The following CCDC97 variants were observed in gnomAD, a reference collection of about 807,000 sequenced individuals.
CCDC97 encodes coiled-coil domain containing 97, also known as coiled-coil domain-containing protein 97.
Under a neutral mutation model 33.9 loss-of-function variants are expected in CCDC97, and 27 were observed. The observed-to-expected ratio is 0.80, with a 90% confidence interval of 0.59 to 1.10. The LOEUF is 1.10. CCDC97 is among the 50% of genes least tolerant of loss of function. CCDC97 has a pLI of 0.00. For synonymous variants in CCDC97, 217 were observed against 194.0 expected (o/e 1.12, Z -0.99); for missense variants, 422 against 476.6 (o/e 0.89, Z 1.07).
chr19:41,317,214 G>C (rs929935984), intron 2 of CCDC97, among the ~76,000 whole-genome samples: 5 of 152,176 alleles, frequency 3.3e-5, no homozygotes, highest in Non-Finnish European at 7.3e-5. Context: ...ACCAAAAGGA[G>C]TATGTACATG....
chr19:41,310,266 G>T lies in CCDC97; in HGVS notation c.-45G>T, dbSNP rs752285616. The T allele has an allele frequency of 1.8e-5, 29 of 1,571,180 alleles. No individual in the cohort carries two copies. The East Asian group carries it at 6.6e-4, about 36-fold the overall frequency. On this transcript the variant is annotated 5_prime_UTR_variant, in exon 1 of 5. Transcript: ENST00000269967. ...TCTTGCGTGCGTGGGCCGGAGGTTA[G>T]TGTGCGGGGCCCGCCGGGCGGTTGA...
At chr19:41,314,408 C>T (rs889263390) in intron 1 of CCDC97, among the ~76,000 whole-genome samples, 3 of 152,228 alleles carry the variant, frequency 2.0e-5, no homozygotes, top group Admixed American at 1.3e-4. Flanking sequence ...TCCCAAAGTG[C>T]TGGGATTACA....
chr19:41,312,299 G>T (rs906695524), intron 1 of CCDC97, among the ~76,000 whole-genome samples: 10 of 152,100 alleles, frequency 6.6e-5, no homozygotes, highest in Non-Finnish European at 1.3e-4. Flanking sequence ...TGGCCAGGCT[G>T]GCCTCGAACT....
chr19:41,321,940 T>C (rs1027306158), intron 4 of CCDC97, among the ~76,000 whole-genome samples: 2 of 152,180 alleles, frequency 1.3e-5, no homozygotes, highest in Non-Finnish European at 2.9e-5. Context: ...CTCTATCCAC[T>C]GGAGGGCAGT....
intron 1 of CCDC97, among the ~76,000 whole-genome samples, chr19:41,316,046 A>G (rs2037741984): frequency 6.6e-6 from 1 of 150,510 alleles, no homozygotes; most frequent in Non-Finnish European, 1.5e-5. Context: ...GTGAGCTGTG[A>G]TTGCGCCCTG....
rs759242580 is a variant in CCDC97 at position 41,316,626 on chromosome 19, G to A, written c.289G>A (p.Ala97Thr). 1.7e-5 allele frequency: 27 copies of A among 1,614,084 alleles called. No individual in the cohort carries two copies. The highest frequency in any genetic ancestry group is 2.0e-5 in the Non-Finnish European group (24 of 1,180,048). ...AGAGCATGAGAAAGTGGCCATCCTG[G>A]CCCAGCTGTACCACGAGAAGCCACT... ...LTEHEKVAILAQLYHEKPLVF... is the reference protein window; with the variant it reads ...LTEHEKVAILTQLYHEKPLVF... Residue 97 changes from alanine (A) to threonine (T), a missense_variant, in exon 2 of 5, where the codon GCC (alanine) becomes ACC (threonine). Transcript: ENST00000269967.
In CCDC97 at chr19:41,316,758, CG is replaced by C; in HGVS notation, c.423del (p.Gln142ArgfsTer24). ...RADFYCAEVA[R>X]QGTARPRTLR... The stretch of plus-strand genomic sequence containing the variant: ...AGACTTCTACTGTGCTGAGGTGGCC[CG>C]GCAGGGCACTGCCCGGCCCCGCACC... On this transcript the variant is annotated frameshift_variant, in exon 2 of 5. Coordinates refer to ENST00000269967, the MANE Select transcript of CCDC97 (RefSeq NM_052848.3). LOFTEE classifies it high-confidence loss of function. 1 of 1,612,690 alleles carries C rather than the reference CG, an allele frequency of 6.2e-7. No individual in the cohort carries two copies.
In CCDC97 at chr19:41,310,287, G is replaced by A. The variant is rs753885800; in HGVS notation, c.-24G>A. 7 of 1,592,074 alleles carry A rather than the reference G, an allele frequency of 4.4e-6. No individual in the cohort carries two copies. The highest frequency in any genetic ancestry group is 4.3e-6 in the Non-Finnish European group (5 of 1,169,590). ...GTTAGTGTGCGGGGCCCGCCGGGCG[G>A]TTGAAAAGTCCGAGAGAATCAGGAT... is the stretch of plus-strand genomic sequence containing the variant. On this transcript the variant is annotated 5_prime_UTR_variant, in exon 1 of 5. Coordinates refer to ENST00000269967, the MANE Select transcript of CCDC97 (RefSeq NM_052848.3).
intron 1 of CCDC97, chr19:41,310,693 CA>C: frequency 8.3e-7 from 1 of 1,210,980 alleles, no homozygotes; most frequent in Non-Finnish European, 1.0e-6. Flanking sequence ...CAGCCCTTCT[CA>C]AATTACCTCC....
rs780780633 is a variant in CCDC97 at position 41,316,868 on chromosome 19, C to T, written c.502+29C>T. 4.6e-6 allele frequency: 7 copies of T among 1,517,362 alleles called. No individual in the cohort carries two copies. The East Asian group carries it at 1.6e-4, about 35-fold the overall frequency. 94.0% of individuals were successfully genotyped at this position (1,517,362 alleles called of 1,614,324 possible). A position where few individuals can be genotyped will look rare whatever the true frequency, so the allele number is the denominator to read the frequency against. On this transcript the variant is annotated intron_variant, in intron 2 of 4. Transcript: ENST00000269967. ...TGGGGGCCAGATGGGCGACAGTGGG[C>T]ACATATGGGGAGGGAGGGGAGACTG...
chr19:41,310,202 G>A lies in CCDC97; in HGVS notation c.-109G>A, dbSNP rs2037662238. 3 of 1,467,580 alleles carry A rather than the reference G, an allele frequency of 2.0e-6. No homozygotes were observed. The highest frequency in any genetic ancestry group is 1.4e-5 in the African/African-American group (1 of 71,632). The allele number at this position is 1,467,580 out of a possible 1,614,324, so 90.9% of individuals were successfully genotyped here. ...CGGAACTTCGGTGCCTGGGCGCAGCGGTGCACCCGGACCCGGAACATTCTC... is the reference window on the plus strand; with the variant it reads ...CGGAACTTCGGTGCCTGGGCGCAGCAGTGCACCCGGACCCGGAACATTCTC... On this transcript the variant is annotated 5_prime_UTR_variant, in exon 1 of 5. Coordinates refer to ENST00000269967, the MANE Select transcript of CCDC97 (RefSeq NM_052848.3).
At chr19:41,314,615 C>A (rs1332586057) in intron 1 of CCDC97, among the ~76,000 whole-genome samples, 2 of 152,242 alleles carry the variant, frequency 1.3e-5, no homozygotes, top group Non-Finnish European at 2.9e-5. Context: ...ATTCTCTTTT[C>A]CAAGAGACCT....
rs1599875906 is a variant in CCDC97 at position 41,319,748 on chromosome 19, A to C, written c.677A>C (p.Gln226Pro). 6.2e-7 allele frequency: 1 copy of C among 1,613,738 alleles called. No individual in the cohort carries two copies. The change falls in exon 3 of 5, where the codon CAG (glutamine) becomes CCG (proline). Residue 226 changes from glutamine to proline, a missense_variant. By Grantham distance (76) the Gln-to-Pro change is moderately conservative. Transcript: ENST00000269967. ...TGCCCGCTCTCCAACTTGCTGCTCC[A>C]GTCCTACGAGGAGCGGGAGCTACAG... ...PACPLSNLLL[Q>P]SYEERELQQR... is the part of the protein sequence containing the mutation.
chr19:41,312,529 A>T (rs2037698203), intron 1 of CCDC97, among the ~76,000 whole-genome samples: 1 of 152,164 alleles, frequency 6.6e-6, no homozygotes, highest in African/African-American at 2.4e-5. Flanking sequence ...TCTCAGCCTG[A>T]CTTTGTTTCC....
At position 41,322,885 on chromosome 19, in the gene CCDC97, A is replaced by C; in HGVS notation, c.*170A>C. The stretch of plus-strand genomic sequence containing the variant: ...CTCATCTCAGACAACCCCCACCCCC[A>C]CTGTTTCTGGGGTTCCCTTTCTCAT... On this transcript the variant is annotated 3_prime_UTR_variant, in exon 5 of 5. Transcript: ENST00000269967. 1 of 610,454 alleles carries C rather than the reference A, an allele frequency of 1.6e-6. No homozygotes were observed. The allele number at this position is 610,454 out of a possible 1,614,324, so 37.8% of individuals were successfully genotyped here.
At chr19:41,318,117 G>A (rs550441444) in intron 2 of CCDC97, among the ~76,000 whole-genome samples, 4 of 152,060 alleles carry the variant, frequency 2.6e-5, no homozygotes, top group African/African-American at 9.6e-5. Flanking sequence ...GCCGGGGTGG[G>A]TGATAATCCA....
At chr19:41,312,665 G>A (rs1369534543) in intron 1 of CCDC97, among the ~76,000 whole-genome samples, 1 of 152,188 alleles carries the variant, frequency 6.6e-6, no homozygotes, top group African/African-American at 2.4e-5. Context: ...GTGTCTGCAG[G>A]GTCGTGCTTC....
chr19:41,321,178 C>G (rs1734255293), intron 4 of CCDC97, among the ~76,000 whole-genome samples: 1 of 152,224 alleles, frequency 6.6e-6, no homozygotes, highest in African/African-American at 2.4e-5. Flanking sequence ...TTGTGATTGC[C>G]CCTGCCGTGG....
chr19:41,310,653 C>T lies in CCDC97; in HGVS notation c.46+297C>T, dbSNP rs2037672619. On this transcript the variant is annotated intron_variant, in intron 1 of 4. Transcript: ENST00000269967. ...TCTCAAATTAACAGAAACCTCTCTA[C>T]CCCGGCCTAATTCCTGCATTGCCTC... 4 of 1,325,548 alleles carry T rather than the reference C, an allele frequency of 3.0e-6. No individual in the cohort carries two copies. The South Asian group carries it at 7.3e-5, about 24-fold the overall frequency. The allele number at this position is 1,325,548 out of a possible 1,614,324, so 82.1% of individuals were successfully genotyped here.
Sources: gnomAD v4.1 joint callset for allele counts (sites outside exome capture counted in the v4.1 genomes callset) on GRCh38, gnomAD v4.1.1 for gene constraint, MANE v1.5 for transcripts, NCBI Gene and HGNC (gene_info 2026-07-23, HGNC 2026-07-21) for gene names.